The following GPLD1 variants were observed in gnomAD, a reference collection of about 807,000 sequenced individuals.
GPLD1 encodes the protein glycosylphosphatidylinositol specific phospholipase D1, also known as phosphatidylinositol-glycan-specific phospholipase D.
In GPLD1, 84 loss-of-function variants were observed where a neutral mutation model predicts 112.6. That is an observed-to-expected ratio of 0.75 (90% CI 0.63 to 0.89). The LOEUF (loss-of-function observed/expected upper bound fraction) is 0.89. GPLD1 is among the 40% of genes least tolerant of loss of function. The probability of loss-of-function intolerance (pLI) is 0.00; values close to 1 mark genes in which losing one functional copy is unlikely to be tolerated. For synonymous variants in GPLD1, 386 were observed against 403.8 expected (o/e 0.96, Z 0.53); for missense variants, 1,044 against 1,051.5 (o/e 0.99, Z 0.10).
At chr6:24,494,873 C>G in intron 1 of GPLD1, 1 of 1,113,506 alleles carries the variant, frequency 9.0e-7, no homozygotes, top group Non-Finnish European at 1.1e-6. Flanking sequence ...AACCTTCCGC[C>G]AGCTCCCACG....
At chr6:24,485,702 T>C (rs1398137326) in intron 2 of GPLD1, among the ~76,000 whole-genome samples, 7 of 150,040 alleles carry the variant, frequency 4.7e-5, no homozygotes, top group East Asian at 1.9e-4. Context: ...GGAGTTTCAC[T>C]CTTGTTGCCC....
chr6:24,491,804 C>T (rs967882773), upstream of GPLD1, among the ~76,000 whole-genome samples: 1 of 151,836 alleles, frequency 6.6e-6, no homozygotes, highest in African/African-American at 2.4e-5. Flanking sequence ...ATGACATAAA[C>T]GTATAAATGT....
chr6:24,475,307 A>G, intron 4 of GPLD1, 76 bp from the exon 5 acceptor site: 1 of 808,744 alleles, frequency 1.2e-6, no homozygotes, highest in Non-Finnish European at 2.1e-6. Context: ...GTTTTAATAA[A>G]TATAAATTCA....
chr6:24,429,011 TGG>T lies in GPLD1; in HGVS notation c.*19_*20del. On this transcript the variant is annotated 3_prime_UTR_variant, in exon 25 of 25. Transcript: ENST00000230036. ...TTCAGCATGAGAGAGGTGGGCAGAG[TGG>T]GGAAATGCAGTGAAATCTTCAATCT... The T allele has an allele frequency of 6.5e-7, 1 of 1,534,626 alleles. No individual in the cohort carries two copies. Among genetic ancestry groups the T allele is most frequent in the Non-Finnish European group, 9.0e-7 (1 of 1,110,590 alleles).
intron 22 of GPLD1, chr6:24,435,760 G>C (rs976979232): frequency 2.1e-5 from 3 of 142,220 alleles, no homozygotes; most frequent in African/African-American, 7.8e-5. Flanking sequence ...GGGAGGAGGA[G>C]GTTGCAGTGA....
intron 2 of GPLD1, among the ~76,000 whole-genome samples, chr6:24,481,757 A>C (rs1764211827): frequency 6.6e-6 from 1 of 152,176 alleles, no homozygotes; most frequent in African/African-American, 2.4e-5. Flanking sequence ...AGAGATATAG[A>C]AACCATCTAG....
upstream of GPLD1, among the ~76,000 whole-genome samples, chr6:24,491,254 G>A (rs185972600): frequency 3.1e-4 from 47 of 152,288 alleles, no homozygotes; most frequent in East Asian, 6.9e-3. Context: ...CAGACTGTGC[G>A]TGAGGGAGTC....
At chr6:24,472,691 C>T in intron 6 of GPLD1, 55 bp from the exon 7 acceptor site, 1 of 920,784 alleles carries the variant, frequency 1.1e-6, no homozygotes, top group East Asian at 2.4e-5. Flanking sequence ...ACATAGCATG[C>T]ATCTATTCAA....
intron 22 of GPLD1, among the ~76,000 whole-genome samples, chr6:24,435,575 G>T (rs1329295405): frequency 6.6e-6 from 1 of 151,730 alleles, no homozygotes; most frequent in East Asian, 1.9e-4. Context: ...TTTTAAAATA[G>T]GTGGGGTACG....
chr6:24,473,788 T>C (rs975162276), intron 5 of GPLD1, 121 bp from the exon 6 acceptor site: 3 of 592,386 alleles, frequency 5.1e-6, no homozygotes, highest in East Asian at 5.7e-5. Flanking sequence ...GGACGCATAA[T>C]AGACTCAATT....
intron 10 of GPLD1, among the ~76,000 whole-genome samples, chr6:24,463,121 T>C (rs917389077): frequency 2.6e-5 from 4 of 152,218 alleles, no homozygotes; most frequent in African/African-American, 9.6e-5. Context: ...TGGTTACCAA[T>C]TATGTCACCT....
intron 10 of GPLD1, among the ~76,000 whole-genome samples, chr6:24,464,178 G>C (rs1157003289): frequency 1.3e-5 from 2 of 152,082 alleles, no homozygotes; most frequent in Admixed American, 6.5e-5. Context: ...CCAATACTTA[G>C]TAAGTGCTTA....
rs765111797 is a variant in GPLD1, at chr6:24,489,497, C to A, written c.15G>T (p.Arg5Ser). Residue 5 changes from arginine (R) to serine (S), a missense_variant, in exon 1 of 25, where the codon AGG becomes AGT. Physicochemically the swap from Arg to Ser is moderately radical, Grantham distance 110 (BLOSUM62 -1). Coordinates refer to ENST00000230036, the MANE Select transcript of GPLD1 (RefSeq NM_001503.4). ...ACATGATCAGCAGGCCAGGCCACAA[C>A]CTGAAAGCAGACATGATCTCATTGC... The part of the protein sequence containing the change: MSAF[R>S]LWPGLLIMLG... 7 of 1,614,070 alleles carry A rather than the reference C, an allele frequency of 4.3e-6. No homozygotes were observed. Among genetic ancestry groups the A allele is most frequent in the Non-Finnish European group, 5.1e-6 (6 of 1,179,962 alleles).
At chr6:24,494,927 C>T (rs1764653719) in intron 1 of GPLD1, 3 of 1,257,970 alleles carry the variant, frequency 2.4e-6, no homozygotes, top group African/African-American at 1.5e-5. Context: ...CTCTTGCTTC[C>T]CCGCGACCCC....
At chr6:24,476,827 C>T (rs888510031) in intron 3 of GPLD1, among the ~76,000 whole-genome samples, 1 of 152,106 alleles carries the variant, frequency 6.6e-6, no homozygotes, top group African/African-American at 2.4e-5. Context: ...CCATGTAGCT[C>T]TTTATTCCCA....
chr6:24,477,000 G>A (rs1276942820), intron 3 of GPLD1, among the ~76,000 whole-genome samples: 1 of 151,850 alleles, frequency 6.6e-6, no homozygotes, highest in South Asian at 2.1e-4. Context: ...AAAAATTGCC[G>A]AACCAGTTTT....
chr6:24,437,058 C>A, intron 21 of GPLD1, 55 bp downstream of exon 21: 1 of 1,507,712 alleles, frequency 6.6e-7, no homozygotes, highest in African/African-American at 1.4e-5. Flanking sequence ...TTAGGGGACC[C>A]ACCCCCTGGG....
intron 24 of GPLD1, among the ~76,000 whole-genome samples, chr6:24,430,386 C>T (rs1453769060): frequency 2.0e-5 from 3 of 152,208 alleles, no homozygotes; most frequent in Non-Finnish European, 2.9e-5. Flanking sequence ...GGTCATCATA[C>T]ACCAAACTGG....
intron 2 of GPLD1, among the ~76,000 whole-genome samples, chr6:24,482,097 A>ATT (rs66567770): frequency 0.084 from 8,677 of 103,034 alleles, 594 homozygotes; most frequent in Non-Finnish European, 0.095. Context: ...GTATTTTTGG[A>ATT]TTTTTTTTTT....
Sources: gnomAD v4.1 joint callset for allele counts (sites outside exome capture counted in the v4.1 genomes callset) on GRCh38, gnomAD v4.1.1 for gene constraint, MANE v1.5 for transcripts, NCBI Gene and HGNC (gene_info 2026-07-23, HGNC 2026-07-21) for gene names.